The following DGLUCY variants were observed in gnomAD, a reference collection of about 807,000 sequenced individuals.
DGLUCY encodes the protein D-glutamate cyclase, mitochondrial.
DGLUCY carries 58 observed loss-of-function variants against 58.5 expected under a neutral mutation model. The ratio of observed to expected loss-of-function variants is 0.99; its 90% confidence interval spans 0.80 to 1.23. The LOEUF (loss-of-function observed/expected upper bound fraction) is 1.23, where lower values mean the gene tolerates loss of function less well. Among genes scored for constraint, DGLUCY ranks in the 50% most tolerant of loss-of-function variants. The pLI, the probability that DGLUCY is intolerant of heterozygous loss-of-function variation, is 0.00. For missense variants in DGLUCY, 779 were observed against 784.7 expected (o/e 0.99, Z 0.09); for synonymous variants, 325 against 314.1 (o/e 1.03, Z -0.37).
At chr14:91,213,137 A>T (rs1278549602) in intron 12 of DGLUCY, among the ~76,000 whole-genome samples, 3 of 152,040 alleles carry the variant, frequency 2.0e-5, no homozygotes, top group Non-Finnish European at 2.9e-5. Flanking sequence ...CCCTGTCTTT[A>T]TTAAAAAATG....
chr14:91,104,840 A>G (rs2044561864), upstream of DGLUCY, among the ~76,000 whole-genome samples: 1 of 152,160 alleles, frequency 6.6e-6, no homozygotes, highest in South Asian at 2.1e-4. Flanking sequence ...GCTGTTGTCT[A>G]TAGCCACAAT....
chr14:91,074,342 G>A (rs549435733), intron 1 of DGLUCY, among the ~76,000 whole-genome samples: 1 of 148,840 alleles, frequency 6.7e-6, no homozygotes, highest in Admixed American at 6.8e-5. Context: ...AACCGAGTGT[G>A]ATGGCATGTA....
chr14:91,121,961 T>G (rs2045391642), intron 1 of DGLUCY, among the ~76,000 whole-genome samples: 1 of 152,176 alleles, frequency 6.6e-6, no homozygotes, highest in Non-Finnish European at 1.5e-5. Flanking sequence ...CTCAACACAT[T>G]TGCTTGATGA....
chr14:91,181,349 G>C lies in DGLUCY; in HGVS notation c.894G>C (p.Gln298His). ...HYSIASVSAS[Q>H]KIRELESMIG... ...GCATCGCGTCAGTCTCTGCTTCTCA[G>C]AAGATCAGAGAACTAGAGTCTATGA... The change falls in exon 8 of 14, where the codon CAG becomes CAC. Residue 298 changes from glutamine to histidine, a missense_variant. Gln to His is a conservative substitution (Grantham distance 24, BLOSUM62 0). Coordinates refer to ENST00000256324, the MANE Select transcript of DGLUCY (RefSeq NM_001102368.3). 6.2e-7 allele frequency: 1 copy of C among 1,614,022 alleles called. No individual in the cohort carries two copies. The highest frequency in any genetic ancestry group is 1.1e-5 in the South Asian group (1 of 91,082).
chr14:91,162,654 T>G (rs572316492), intron 3 of DGLUCY, among the ~76,000 whole-genome samples: 1 of 152,268 alleles, frequency 6.6e-6, no homozygotes, highest in East Asian at 1.9e-4. Context: ...CCCAGCACTT[T>G]GAGATGCCAA....
chr14:91,138,494 A>C (rs1324862140), intron 1 of DGLUCY, among the ~76,000 whole-genome samples: 5 of 152,298 alleles, frequency 3.3e-5, no homozygotes, highest in Non-Finnish European at 5.9e-5. Context: ...TTTGTCTAGA[A>C]AAAAGAAAAA....
At chr14:91,148,083 A>T (rs1465355307) in intron 1 of DGLUCY, among the ~76,000 whole-genome samples, 1 of 152,150 alleles carries the variant, frequency 6.6e-6, no homozygotes, top group African/African-American at 2.4e-5. Flanking sequence ...GTGAGGCAGG[A>T]GAATCGCTTG....
chr14:91,132,490 T>TC (rs2046078023), intron 1 of DGLUCY, among the ~76,000 whole-genome samples: 1 of 151,762 alleles, frequency 6.6e-6, no homozygotes, highest in Non-Finnish European at 1.5e-5. Flanking sequence ...TTTTTTTTTT[T>TC]TTTCTTGAGA....
intron 12 of DGLUCY, among the ~76,000 whole-genome samples, chr14:91,209,140 C>A (rs866686068): frequency 7.3e-5 from 11 of 151,690 alleles, no homozygotes; most frequent in African/African-American, 2.7e-4. Context: ...ATGGTGAACT[C>A]CCATCTCTAC....
chr14:91,067,969 A>C (rs1188892675), intron 1 of DGLUCY, among the ~76,000 whole-genome samples: 1 of 152,118 alleles, frequency 6.6e-6, no homozygotes, highest in Non-Finnish European at 1.5e-5. Context: ...GGTGGTGTGA[A>C]GTTCACACTT....
In DGLUCY at chr14:91,224,813, G is replaced by A. The variant is rs148051089; in HGVS notation, c.1846G>A (p.Val616Ile). ...HAEMIQKLVD[V>I]TTAQV is the part of the protein sequence containing the mutation. ...CGAGATGATCCAGAAGCTGGTGGAC[G>A]TCACCACGGCACAGGTGTAACCGTC... The change falls in exon 14 of 14, where the codon GTC becomes ATC. Residue 616 changes from valine (V) to isoleucine (I), a missense_variant. By Grantham distance (29) the Val-to-Ile change is conservative. Transcript: ENST00000256324. 2.4e-5 allele frequency: 39 copies of A among 1,612,668 alleles called. No homozygotes were observed. Among genetic ancestry groups the A allele is most frequent in the South Asian group, 3.3e-5 (3 of 90,918 alleles).
chr14:91,149,715 C>T (rs2047208067), intron 1 of DGLUCY, among the ~76,000 whole-genome samples: 1 of 152,230 alleles, frequency 6.6e-6, no homozygotes, highest in Non-Finnish European at 1.5e-5. Flanking sequence ...ACAGGCCAAG[C>T]AAACTGTGAA....
At chr14:91,120,916 C>CAAGT (rs1389205910) in intron 1 of DGLUCY, among the ~76,000 whole-genome samples, 1 of 152,184 alleles carries the variant, frequency 6.6e-6, no homozygotes, top group Admixed American at 6.5e-5. Flanking sequence ...CATCCTCCAC[C>CAAGT]AAGTGCTGCC....
chr14:91,215,974 C>T (rs1886460655), intron 13 of DGLUCY: 1 of 339,770 alleles, frequency 2.9e-6, no homozygotes, highest in Non-Finnish European at 5.7e-6. Flanking sequence ...ACTAAAACCT[C>T]CAGAGTAAGT....
upstream of DGLUCY, among the ~76,000 whole-genome samples, chr14:91,106,349 C>G (rs946314951): frequency 2.6e-5 from 4 of 151,262 alleles, no homozygotes; most frequent in African/African-American, 9.7e-5. Context: ...GTTGTATATA[C>G]AGTCTGTCAT....
At chr14:91,214,629 A>G (rs1232707354) in intron 12 of DGLUCY, among the ~76,000 whole-genome samples, 1 of 152,190 alleles carries the variant, frequency 6.6e-6, no homozygotes, top group East Asian at 1.9e-4. Flanking sequence ...TCTGATGGTC[A>G]TTAGCAGTGG....
chr14:91,150,706 A>G (rs1161869233), intron 1 of DGLUCY, among the ~76,000 whole-genome samples: 6 of 152,158 alleles, frequency 3.9e-5, no homozygotes, highest in Non-Finnish European at 8.8e-5. Context: ...GATTCCAGGC[A>G]TGAGCCACCA....
intron 1 of DGLUCY, among the ~76,000 whole-genome samples, chr14:91,132,677 C>T (rs2046093612): frequency 6.6e-6 from 1 of 151,802 alleles, no homozygotes; most frequent in African/African-American, 2.4e-5. Context: ...GGGGTTTTGC[C>T]ATGTTGTCCA....
intron 12 of DGLUCY, among the ~76,000 whole-genome samples, chr14:91,210,889 T>A (rs760879745): frequency 3.9e-5 from 6 of 152,198 alleles, no homozygotes; most frequent in Non-Finnish European, 8.8e-5. Flanking sequence ...AAAAGAAATA[T>A]AATGTAAACA....
Sources: gnomAD v4.1 joint callset for allele counts (sites outside exome capture counted in the v4.1 genomes callset) on GRCh38, gnomAD v4.1.1 for gene constraint, MANE v1.5 for transcripts, NCBI Gene and HGNC (gene_info 2026-07-23, HGNC 2026-07-21) for gene names.